NUFIP2: variants seen among roughly 807,000 people sequenced by gnomAD.
NUFIP2 encodes the protein nuclear FMR1 interacting protein 2.
NUFIP2 carries 6 observed loss-of-function variants against 56.9 expected under a neutral mutation model. That is an observed-to-expected ratio of 0.11 (90% confidence interval 0.06 to 0.21). The LOEUF (loss-of-function observed/expected upper bound fraction) is 0.21. Among genes scored for constraint, NUFIP2 ranks in the 10% least tolerant of loss-of-function variants. The pLI, the probability that NUFIP2 is intolerant of heterozygous loss-of-function variation, is 1.00. For missense variants in NUFIP2, 828 were observed against 826.8 expected (o/e 1.00, Z -0.02); for synonymous variants, 321 against 298.2 (o/e 1.08, Z -0.79).
intron 1 of NUFIP2, among the ~76,000 whole-genome samples, chr17:29,291,363 T>C (rs1486369710): frequency 6.6e-6 from 1 of 152,208 alleles, no homozygotes; most frequent in African/African-American, 2.4e-5. Flanking sequence ...ACTGTTCCTC[T>C]TTAGGTTTGT....
chr17:29,265,303 T>TA (rs1390687243), intron 3 of NUFIP2, among the ~76,000 whole-genome samples: 1 of 132,244 alleles, frequency 7.6e-6, no homozygotes, highest in African/African-American at 2.8e-5. Flanking sequence ...TTATTTTATT[T>TA]TATTTTTTTT....
chr17:29,270,886 C>T (rs1271519741), intron 2 of NUFIP2, among the ~76,000 whole-genome samples: 1 of 152,140 alleles, frequency 6.6e-6, no homozygotes, highest in Non-Finnish European at 1.5e-5. Context: ...AGTAACATTT[C>T]CTTTTTTCTT....
rs2153010255 is a variant in NUFIP2 at position 29,260,210 on chromosome 17, T to C, written c.*4329A>G. The C allele has an allele frequency of 1.3e-5, 2 of 151,450 alleles. No individual in the cohort carries two copies. Among genetic ancestry groups the C allele is most frequent in the East Asian group, 3.9e-4 (2 of 5,150 alleles). 9.4% of individuals were successfully genotyped at this position (151,450 alleles called of 1,614,324 possible). On this transcript the variant is annotated 3_prime_UTR_variant, in exon 4 of 4. Transcript: ENST00000225388. ...TGGCGGGTAAGGGGACAAGAGCAAA[T>C]CCTACGTTTTCCTTTCAAATCCAAC...
In NUFIP2 at chr17:29,293,970, C is replaced by T. The variant is rs1416222840; in HGVS notation, c.90G>A (p.Pro30=). The change falls in exon 1 of 4, where the codon CCG becomes CCA. Residue 30 remains proline (P), a synonymous_variant. Transcript: ENST00000225388. Reference sequence around the variant, plus strand: ...AGAAATAATAATGGTGGTGGTGGTGCGGCTGCTGCTGCTGCTGCTGAGGGT... The same window carrying T: ...AGAAATAATAATGGTGGTGGTGGTGTGGCTGCTGCTGCTGCTGCTGAGGGT... ...HHHPQQQQQQ[P]HHHHHYYFYN... The T allele has an allele frequency of 1.2e-6, 2 of 1,611,642 alleles. No homozygotes were observed. Among genetic ancestry groups the T allele is most frequent in the Non-Finnish European group, 1.7e-6 (2 of 1,178,100 alleles).
At position 29,262,959 on chromosome 17, in the gene NUFIP2, C is replaced by T. The variant is rs990150465; in HGVS notation, c.*1580G>A. Reference sequence around the variant, plus strand: ...CCATCCATACTACAGTCACTCAAAACTGGACATTTCTAGGGGTAGAGCCAA... The same window carrying T: ...CCATCCATACTACAGTCACTCAAAATTGGACATTTCTAGGGGTAGAGCCAA... On this transcript the variant is annotated 3_prime_UTR_variant, in exon 4 of 4. Coordinates refer to ENST00000225388, the MANE Select transcript of NUFIP2 (RefSeq NM_020772.3). The T allele has an allele frequency of 6.6e-6, 1 of 152,558 alleles. No homozygotes were observed. The highest frequency in any genetic ancestry group is 2.4e-5 in the African/African-American group (1 of 41,434). The allele number at this position is 152,558 out of a possible 1,614,324, so 9.5% of individuals were successfully genotyped here.
chr17:29,293,300 TTCC>T (rs1239505122), intron 1 of NUFIP2, among the ~76,000 whole-genome samples: 1 of 150,512 alleles, frequency 6.6e-6, no homozygotes, highest in Non-Finnish European at 1.5e-5. Flanking sequence ...TGAGGGGCAC[TTCC>T]TCAACTCACC....
At chr17:29,292,956 G>C (rs1039284360) in intron 1 of NUFIP2, among the ~76,000 whole-genome samples, 2 of 147,770 alleles carry the variant, frequency 1.4e-5, no homozygotes, top group African/African-American at 2.5e-5. Context: ...GGCCGGTGGT[G>C]ATCCCGGGTC....
chr17:29,285,171 A>AT (rs1198664703), intron 2 of NUFIP2, among the ~76,000 whole-genome samples: 1 of 151,796 alleles, frequency 6.6e-6, no homozygotes, highest in African/African-American at 2.4e-5. Context: ...GTGGTGGCGC[A>AT]TGGCTGTAAT....
At chr17:29,268,295 A>T (rs565070056) in intron 2 of NUFIP2, among the ~76,000 whole-genome samples, 13 of 152,348 alleles carry the variant, frequency 8.5e-5, no homozygotes, top group South Asian at 8.3e-4. Flanking sequence ...GACATGCAAG[A>T]CACATGCTAC....
intron 1 of NUFIP2, among the ~76,000 whole-genome samples, chr17:29,292,682 G>A (rs2069223279): frequency 6.7e-6 from 1 of 149,292 alleles, no homozygotes; most frequent in East Asian, 2.0e-4. Flanking sequence ...TCCGCTTCGA[G>A]GCCGGCTCCC....
Position 29,293,971 on chromosome 17 carries a change from GGCT to G in NUFIP2, c.86_88del (p.Gln29del), listed in dbSNP as rs577779578. On this transcript the variant is annotated inframe_deletion, in exon 1 of 4. Transcript: ENST00000225388. The stretch of plus-strand genomic sequence containing the variant: ...GAAATAATAATGGTGGTGGTGGTGC[GGCT>G]GCTGCTGCTGCTGCTGAGGGTGATG... The G allele has an allele frequency of 1.5e-4, 233 of 1,603,366 alleles. No homozygotes were observed. The highest frequency in any genetic ancestry group is 8.3e-4 in the Middle Eastern group (5 of 6,046).
rs1357634259 is a variant in NUFIP2, at chr17:29,259,192, T to G, written c.*5347A>C. The G allele has an allele frequency of 6.6e-6, 1 of 152,208 alleles. No individual in the cohort carries two copies. Among genetic ancestry groups the G allele is most frequent in the East Asian group, 1.9e-4 (1 of 5,204 alleles). The allele number at this position is 152,208 out of a possible 1,614,324, so 9.4% of individuals were successfully genotyped here. ...GCTATGTAATTTGCCCTCAAGTTAA[T>G]TTGTTGGTCTGAAGAGTACAACAAC... On this transcript the variant is annotated 3_prime_UTR_variant, in exon 4 of 4. Transcript: ENST00000225388.
chr17:29,259,920 A>G lies in NUFIP2; in HGVS notation c.*4619T>C, dbSNP rs564561463. Reference sequence around the variant, plus strand: ...AAAGCAATGCTTTTGAGTGGAGCCAATGATTCATCACTCTCCCAGGTGGTC... The same window carrying G: ...AAAGCAATGCTTTTGAGTGGAGCCAGTGATTCATCACTCTCCCAGGTGGTC... On this transcript the variant is annotated 3_prime_UTR_variant, in exon 4 of 4. Coordinates refer to ENST00000225388, the MANE Select transcript of NUFIP2 (RefSeq NM_020772.3). The G allele has an allele frequency of 6.6e-6, 1 of 152,332 alleles. No homozygotes were observed. The highest frequency in any genetic ancestry group is 2.1e-4 in the South Asian group (1 of 4,834). 9.4% of individuals were successfully genotyped at this position (152,332 alleles called of 1,614,324 possible).
chr17:29,266,913 T>C (rs567229626), intron 3 of NUFIP2, among the ~76,000 whole-genome samples: 25 of 152,066 alleles, frequency 1.6e-4, no homozygotes, highest in Admixed American at 1.2e-3. Flanking sequence ...ATACTATCTT[T>C]TTTTTTGGAG....
In NUFIP2 at chr17:29,287,456, T is replaced by C; in HGVS notation, c.538A>G (p.Lys180Glu). 6.2e-7 allele frequency: 1 copy of C among 1,614,024 alleles called. No homozygotes were observed. The highest frequency in any genetic ancestry group is 8.5e-7 in the Non-Finnish European group (1 of 1,179,876). Reference protein sequence around the residue: ...NKSGENQSVDKSDTIPIPNGV... With the variant: ...NKSGENQSVDESDTIPIPNGV... ...TTTGGAATTGGTATAGTATCAGACT[T>C]ATCTACAGACTGATTCTCTCCAGAT... Residue 180 changes from lysine (K) to glutamate (E), a missense_variant, in exon 2 of 4, where the codon AAG becomes GAG. Lys to Glu is a moderately conservative substitution (Grantham distance 56, BLOSUM62 1). Around this residue, in one of 3 missense-constraint regions of NUFIP2, gnomAD observed 415 missense variants for 408.7 expected, o/e 1.02. Coordinates refer to ENST00000225388, the MANE Select transcript of NUFIP2 (RefSeq NM_020772.3).
At chr17:29,269,181 T>C (rs2069056834) in intron 2 of NUFIP2, among the ~76,000 whole-genome samples, 1 of 152,198 alleles carries the variant, frequency 6.6e-6, no homozygotes, top group African/African-American at 2.4e-5. Context: ...TAAGGATAAG[T>C]AGTCTTCTGT....
rs1309409230 is a variant in NUFIP2, at chr17:29,262,304, ACAG to A, written c.*2232_*2234del. On this transcript the variant is annotated 3_prime_UTR_variant, in exon 4 of 4. Coordinates refer to ENST00000225388, the MANE Select transcript of NUFIP2 (RefSeq NM_020772.3). ...GTGGTTACACAAGGCAATTGAACAC[ACAG>A]CAGAACTTTAAAACCTGTAAAACAA... The A allele has an allele frequency of 2.0e-5, 3 of 152,618 alleles. No homozygotes were observed. Among genetic ancestry groups the A allele is most frequent in the Non-Finnish European group, 2.9e-5 (2 of 68,026 alleles). The allele number at this position is 152,618 out of a possible 1,614,324, so 9.5% of individuals were successfully genotyped here.
intron 1 of NUFIP2, among the ~76,000 whole-genome samples, chr17:29,291,554 T>A (rs2069213575): frequency 6.6e-6 from 1 of 152,212 alleles, no homozygotes; most frequent in South Asian, 2.1e-4. Flanking sequence ...CTCCTCTTTA[T>A]CCACCCCTTC....
intron 1 of NUFIP2, among the ~76,000 whole-genome samples, chr17:29,293,412 G>T (rs1005506435): frequency 6.6e-6 from 1 of 151,924 alleles, no homozygotes; most frequent in Non-Finnish European, 1.5e-5. Context: ...GGGATTTTTT[G>T]GGGGGGTAGG....
Sources: allele counts gnomAD v4.1 joint callset (sites outside exome capture counted in the v4.1 genomes callset), GRCh38; gene constraint gnomAD v4.1.1; regional missense constraint gnomAD v4.1.1; transcripts MANE v1.5; gene names NCBI Gene and HGNC (gene_info 2026-07-23, HGNC 2026-07-21).